RYR3: variants seen among roughly 807,000 people sequenced by gnomAD.
The protein encoded by RYR3 is brain ryanodine receptor-calcium release channel.
A neutral mutation model predicts 584.3 loss-of-function variants in RYR3; 207 were observed. The observed-to-expected ratio is 0.35, with a 90% CI of 0.32 to 0.40. RYR3 has a LOEUF of 0.40. Among genes scored for constraint, RYR3 ranks in the 10% least tolerant of loss-of-function variants. The pLI, the probability that RYR3 is intolerant of heterozygous loss-of-function variation, is 1.00. For missense variants in RYR3, 5,616 were observed against 6,089.2 expected, an observed-to-expected ratio of 0.92 and a Z score of 2.59; for synonymous variants, 2,416 against 2,248.5, an observed-to-expected ratio of 1.07 and a Z score of -2.11.
At chr15:33,548,906 C>G (rs553245892) in intron 9 of RYR3, among the ~76,000 whole-genome samples, 1 of 152,188 alleles carries the variant, frequency 6.6e-6, no homozygotes, top group East Asian at 1.9e-4. Context: ...TCCTTCTCTG[C>G]CTTTCCCTCT....
chr15:33,722,496 G>T (rs980468961), intron 43 of RYR3: 1 of 554,850 alleles, frequency 1.8e-6, no homozygotes, highest in Non-Finnish European at 3.1e-6. Flanking sequence ...AGATGAGGCT[G>T]GTTCAAGTGC....
chr15:33,468,412 G>T (rs558901028), intron 1 of RYR3, among the ~76,000 whole-genome samples: 2 of 152,232 alleles, frequency 1.3e-5, no homozygotes, highest in East Asian at 1.9e-4. Context: ...ATGAATAGTT[G>T]ATATCATTAT....
intron 2 of RYR3, among the ~76,000 whole-genome samples, chr15:33,494,426 C>G (rs2051240200): frequency 6.6e-6 from 1 of 152,158 alleles, no homozygotes; most frequent in Non-Finnish European, 1.5e-5. Context: ...AGCAATCATT[C>G]TGCTCATGGC....
chr15:33,707,119 A>G lies in RYR3; in HGVS notation c.6619+65A>G. The G allele has an allele frequency of 1.9e-6, 3 of 1,564,774 alleles. No individual in the cohort carries two copies. The South Asian group carries it at 3.4e-5, about 18-fold the overall frequency. On this transcript the variant is annotated intron_variant, in intron 43 of 103. Transcript: ENST00000634891. ...AGCATGATCGTGGATACCTACAAGG[A>G]AAAGGATATCCTTTCCATTGCTTCT...
chr15:33,358,799 ACTTT>A (rs1334860156), intron 1 of RYR3, among the ~76,000 whole-genome samples: 1 of 152,186 alleles, frequency 6.6e-6, no homozygotes, highest in Admixed American at 6.5e-5. Context: ...ATAATGAGGC[ACTTT>A]CTTCTCCTGA....
chr15:33,785,490 G>A (rs1010499522), intron 65 of RYR3, among the ~76,000 whole-genome samples, 172 bp from the exon 66 acceptor site: 1 of 152,186 alleles, frequency 6.6e-6, no homozygotes, highest in Non-Finnish European at 1.5e-5. Context: ...TCTGGAAGCT[G>A]CACTCTGTTC....
intron 16 of RYR3, among the ~76,000 whole-genome samples, chr15:33,590,888 A>G (rs2059098656): frequency 6.6e-6 from 1 of 152,192 alleles, no homozygotes; most frequent in Non-Finnish European, 1.5e-5. Flanking sequence ...AGCAATTATT[A>G]TACCTTTACT....
chr15:33,860,338 G>A (rs976413235), intron 100 of RYR3, among the ~76,000 whole-genome samples: 7 of 152,116 alleles, frequency 4.6e-5, no homozygotes, highest in Admixed American at 1.3e-4. Context: ...ACCAACCAGG[G>A]AGAAGTAGAA....
intron 34 of RYR3, 87 bp downstream of exon 34, chr15:33,660,510 C>A: frequency 6.9e-6 from 6 of 875,542 alleles, no homozygotes. Flanking sequence ...CCAGGAGCAT[C>A]TGTGTTGGAT....
intron 2 of RYR3, among the ~76,000 whole-genome samples, chr15:33,490,411 C>A (rs937052719): frequency 1.4e-4 from 21 of 152,190 alleles, no homozygotes; most frequent in African/African-American, 5.1e-4. Context: ...TAATACTTCA[C>A]TGTACATCCC....
intron 46 of RYR3, among the ~76,000 whole-genome samples, chr15:33,727,598 T>A (rs2068574346): frequency 6.6e-6 from 1 of 152,128 alleles, no homozygotes; most frequent in African/African-American, 2.4e-5. Flanking sequence ...AGAGAGGAAG[T>A]CAATTTCAGC....
chr15:33,405,023 T>C (rs2042928578), intron 1 of RYR3, among the ~76,000 whole-genome samples: 2 of 152,194 alleles, frequency 1.3e-5, no homozygotes, highest in Non-Finnish European at 2.9e-5. Flanking sequence ...GATTGTCTCA[T>C]TTGGTAAATT....
intron 23 of RYR3, 53 bp from the exon 24 acceptor site, chr15:33,632,896 T>A (rs762210937): frequency 1.8e-4 from 271 of 1,518,618 alleles, no homozygotes; most frequent in Middle Eastern, 1.8e-3. Context: ...AAATCCGGAA[T>A]GAGAAACTCA....
At chr15:33,496,062 G>A (rs2051392618) in intron 2 of RYR3, among the ~76,000 whole-genome samples, 1 of 152,186 alleles carries the variant, frequency 6.6e-6, no homozygotes, top group African/African-American at 2.4e-5. Context: ...CAGTTCCACT[G>A]TACCCCATGA....
At chr15:33,727,456 C>T (rs988592793) in intron 46 of RYR3, among the ~76,000 whole-genome samples, 2 of 152,286 alleles carry the variant, frequency 1.3e-5, no homozygotes, top group Non-Finnish European at 2.9e-5. Context: ...CTGTGGAATA[C>T]ATCACATCAG....
chr15:33,557,036 G>T (rs1399448613), intron 10 of RYR3, among the ~76,000 whole-genome samples: 1 of 152,154 alleles, frequency 6.6e-6, no homozygotes, highest in Non-Finnish European at 1.5e-5. Context: ...CAATTCATTA[G>T]TTAACTGTGC....
chr15:33,553,911 G>A (rs1305352874), intron 10 of RYR3, among the ~76,000 whole-genome samples: 1 of 152,094 alleles, frequency 6.6e-6, no homozygotes, highest in Non-Finnish European at 1.5e-5. Context: ...TGCGTCTCTT[G>A]CCACTTGCCT....
chr15:33,598,883 C>G (rs1054906719), intron 16 of RYR3, among the ~76,000 whole-genome samples: 1 of 152,060 alleles, frequency 6.6e-6, no homozygotes, highest in Non-Finnish European at 1.5e-5. Context: ...GAAACCCTGT[C>G]TCTACTAAAA....
chr15:33,685,239 G>A (rs865835730), intron 38 of RYR3, among the ~76,000 whole-genome samples: 5 of 152,164 alleles, frequency 3.3e-5, no homozygotes, highest in Non-Finnish European at 5.9e-5. Context: ...CAAAACAAAG[G>A]GATGGAGGAA....
Sources: gnomAD v4.1 joint callset for allele counts (sites outside exome capture counted in the v4.1 genomes callset) on GRCh38, gnomAD v4.1.1 for gene constraint, MANE v1.5 for transcripts, NCBI Gene and HGNC (gene_info 2026-07-23, HGNC 2026-07-21) for gene names.